Variants in ZSCAN5A observed in about 807,000 individuals in gnomAD.
The protein encoded by ZSCAN5A is zinc finger and SCAN domain-containing protein 5A.
In ZSCAN5A, 12 loss-of-function variants were observed where a neutral mutation model predicts 23.7. That is an observed-to-expected ratio of 0.51 (90% CI 0.32 to 0.82). The LOEUF (loss-of-function observed/expected upper bound fraction) is 0.82. Among genes scored for constraint, ZSCAN5A ranks in the 40% least tolerant of loss-of-function variants. The pLI is 0.03. For synonymous variants in ZSCAN5A, 257 were observed against 239.9 expected, an observed-to-expected ratio of 1.07 and a Z score of -0.66; for missense variants, 597 against 617.9, an observed-to-expected ratio of 0.97 and a Z score of 0.36.
At chr19:56,294,404 A>G (rs2039722145) in intron 2 of ZSCAN5A, among the ~76,000 whole-genome samples, 2 of 152,214 alleles carry the variant, frequency 1.3e-5, no homozygotes, top group Admixed American at 1.3e-4. Flanking sequence ...AAACTCCCTT[A>G]GATTCTATTT....
chr19:56,268,155 G>A (rs1277406155), intron 2 of ZSCAN5A, among the ~76,000 whole-genome samples: 1 of 152,188 alleles, frequency 6.6e-6, no homozygotes, highest in Non-Finnish European at 1.5e-5. Flanking sequence ...GCCAGCCAGA[G>A]CCCAGGACAT....
At chr19:56,245,202 T>C (rs769440032) in intron 2 of ZSCAN5A, 2 of 558,166 alleles carry the variant, frequency 3.6e-6, no homozygotes, top group Non-Finnish European at 3.3e-6. Context: ...TGAGTCTGAT[T>C]GTCTTTTTTC....
At chr19:56,295,555 A>C (rs982858542) in intron 2 of ZSCAN5A, among the ~76,000 whole-genome samples, 4 of 152,136 alleles carry the variant, frequency 2.6e-5, no homozygotes, top group African/African-American at 9.7e-5. Flanking sequence ...AGATCGTCCC[A>C]CTGCACCCCA....
At chr19:56,353,980 T>C (rs1160394236) in intron 2 of ZSCAN5A, among the ~76,000 whole-genome samples, 3 of 152,050 alleles carry the variant, frequency 2.0e-5, no homozygotes, top group Non-Finnish European at 4.4e-5. Flanking sequence ...GAAGTTCTAA[T>C]ACATGGTACC....
chr19:56,295,413 G>T (rs1344609873), intron 2 of ZSCAN5A, among the ~76,000 whole-genome samples: 1 of 152,032 alleles, frequency 6.6e-6, no homozygotes, highest in Non-Finnish European at 1.5e-5. Context: ...GGCCAACGTG[G>T]TGAAACCTCC....
Position 56,221,871 on chromosome 19 carries a change from G to T in ZSCAN5A, c.1195C>A (p.Leu399Ile), listed in dbSNP as rs371435309. 3 of 1,614,068 alleles carry T rather than the reference G, an allele frequency of 1.9e-6. No homozygotes were observed. The African/African-American group carries it at 4.0e-5, about 22-fold the overall frequency. ...GTGTGGGTTCGCTGGTGAAATTGGA[G>T]GCTAATAAGCTGCATGAAGCGCTTC... The part of the protein sequence containing the change: ...CGKRFMQLIS[L>I]QFHQRTHTGE... The change falls in exon 6 of 6, where the codon CTC becomes ATC. Residue 399 changes from leucine to isoleucine, a missense_variant. Transcript: ENST00000683990.
chr19:56,232,324 G>A (rs2034541455), intron 2 of ZSCAN5A, among the ~76,000 whole-genome samples: 1 of 152,040 alleles, frequency 6.6e-6, no homozygotes, highest in African/African-American at 2.4e-5. Flanking sequence ...CATACCAGAT[G>A]CACTTTTTTT....
At chr19:56,273,451 G>A (rs1600149440) in intron 2 of ZSCAN5A, among the ~76,000 whole-genome samples, 1 of 123,224 alleles carries the variant, frequency 8.1e-6, no homozygotes, top group East Asian at 2.1e-4. Flanking sequence ...GCTTGATGCT[G>A]GGAATATAGT....
rs1255761646 is a variant in ZSCAN5A, at chr19:56,331,626, C to T, written c.-357-15358G>A. On this transcript the variant is annotated intron_variant, in intron 2 of 6. Transcript: ENST00000587340. Reference sequence around the variant, plus strand: ...TTTTTGAGACGGAGTCTCGCTCTGTCACCCAGGCTGGAGTGTAATGGTGTG... The same window carrying T: ...TTTTTGAGACGGAGTCTCGCTCTGTTACCCAGGCTGGAGTGTAATGGTGTG... Among the ~76,000 whole-genome samples the T allele has an allele frequency of 3.6e-5, 4 of 112,186 alleles. No homozygotes were observed. The Admixed American group carries it at 5.4e-4, about 15-fold the overall frequency. The allele number at this position is 112,186 out of a possible 152,430, so 73.6% of individuals were successfully genotyped here.
chr19:56,342,410 A>G lies in ZSCAN5A; in HGVS notation c.-358+20825T>C, dbSNP rs967580170. ...ACTAGTACCCTTAGTTTAGTAAAAG[A>G]AAACTACCACATGATCTTTATTTTT... On this transcript the variant is annotated intron_variant, in intron 2 of 6. Transcript: ENST00000587340. The G allele has an allele frequency of 1.3e-5, 4 of 298,224 alleles. 1 individual carries two copies. Among genetic ancestry groups the G allele is most frequent in the Admixed American group, 1.3e-4 (4 of 30,540 alleles). The allele number at this position is 298,224 out of a possible 1,614,324, so 18.5% of individuals were successfully genotyped here.
chr19:56,269,447 C>T (rs1048058960), intron 2 of ZSCAN5A, among the ~76,000 whole-genome samples: 1 of 152,180 alleles, frequency 6.6e-6, no homozygotes, highest in Non-Finnish European at 1.5e-5. Flanking sequence ...AAGATACCCA[C>T]ATCTGACTCC....
In ZSCAN5A at chr19:56,330,169, C is replaced by T. The variant is rs563243990; in HGVS notation, c.-357-13901G>A. ...TCACTGCAAAGCACAAGATTTTGTTCCGTTTTATGACTGCATAGTATTCCA... is the reference window on the plus strand; with the variant it reads ...TCACTGCAAAGCACAAGATTTTGTTTCGTTTTATGACTGCATAGTATTCCA... On this transcript the variant is annotated intron_variant, in intron 2 of 6. Coordinates refer to the ZSCAN5A transcript ENST00000587340. Among the ~76,000 whole-genome samples the T allele has an allele frequency of 2.0e-5, 3 of 152,310 alleles. No homozygotes were observed. The South Asian group carries it at 6.2e-4, about 32-fold the overall frequency.
chr19:56,225,284 C>G (rs978834806), intron 2 of ZSCAN5A, 111 bp from the exon 3 acceptor site: 5 of 1,052,832 alleles, frequency 4.7e-6, no homozygotes, highest in Non-Finnish European at 6.4e-6. Flanking sequence ...GAATTCAGCA[C>G]AGTGGAAATC....
At chr19:56,227,382 T>C (rs2034049607) in intron 2 of ZSCAN5A, among the ~76,000 whole-genome samples, 1 of 152,192 alleles carries the variant, frequency 6.6e-6, no homozygotes, top group Non-Finnish European at 1.5e-5. Context: ...AATTCTGGAA[T>C]TAAAAGTGGT....
intron 2 of ZSCAN5A, among the ~76,000 whole-genome samples, chr19:56,268,878 A>G (rs1004860074): frequency 6.6e-6 from 1 of 152,214 alleles, no homozygotes; most frequent in Non-Finnish European, 1.5e-5. Flanking sequence ...GGAATCATAC[A>G]CTAGGTAGTC....
upstream of ZSCAN5A, chr19:56,317,854 CAG>C (rs943227175): frequency 2.0e-5 from 3 of 152,290 alleles, no homozygotes; most frequent in Non-Finnish European, 4.4e-5. Context: ...AGGATCAGAA[CAG>C]AGAGGACAGA....
chr19:56,275,713 G>C (rs2038196382), intron 2 of ZSCAN5A, among the ~76,000 whole-genome samples: 1 of 152,244 alleles, frequency 6.6e-6, no homozygotes, highest in Admixed American at 6.5e-5. Context: ...AGCAAGTTCT[G>C]TGAGAACAGA....
chr19:56,244,131 A>G, intron 2 of ZSCAN5A: 1 of 1,590,056 alleles, frequency 6.3e-7, no homozygotes. Flanking sequence ...GCTTCCCCAG[A>G]AACTCAACTT....
intron 1 of ZSCAN5A, chr19:56,366,070 A>T (rs2041762261): frequency 6.6e-6 from 1 of 152,166 alleles, no homozygotes; most frequent in Non-Finnish European, 1.5e-5. Context: ...TGTCCAAATG[A>T]CCTGGAAGAA....
Sources: gnomAD v4.1 joint callset for allele counts (sites outside exome capture counted in the v4.1 genomes callset) on GRCh38, gnomAD v4.1.1 for gene constraint, MANE v1.5 for transcripts, NCBI Gene and HGNC (gene_info 2026-07-23, HGNC 2026-07-21) for gene names.